CCDC15: variants seen among roughly 807,000 people sequenced by gnomAD.
CCDC15 encodes coiled-coil domain-containing protein 15.
Under a neutral mutation model 114.5 loss-of-function variants are expected in CCDC15, and 105 were observed. The ratio of observed to expected loss-of-function variants is 0.92; its 90% CI spans 0.78 to 1.08. The LOEUF (loss-of-function observed/expected upper bound fraction) is 1.08. Ranked by LOEUF, CCDC15 falls within the 50% of genes least tolerant of loss-of-function variation. CCDC15 has a pLI of 0.00. For missense variants in CCDC15, 1,105 were observed against 1,093.6 expected (o/e 1.01, Z -0.15); for synonymous variants, 334 against 377.8 (o/e 0.88, Z 1.34).
intron 11 of CCDC15, among the ~76,000 whole-genome samples, chr11:124,994,386 G>C (rs1948326740): frequency 6.6e-6 from 1 of 152,174 alleles, no homozygotes; most frequent in Non-Finnish European, 1.5e-5. Flanking sequence ...ATTTCATACA[G>C]CGCAAAATGT....
At chr11:125,032,586 C>T (rs1298599058) in intron 13 of CCDC15, among the ~76,000 whole-genome samples, 1 of 152,176 alleles carries the variant, frequency 6.6e-6, no homozygotes, top group African/African-American at 2.4e-5. Flanking sequence ...CACTAATTGC[C>T]GCAATTCCTC....
At chr11:125,019,861 T>C (rs913206562) in intron 13 of CCDC15, among the ~76,000 whole-genome samples, 3 of 151,978 alleles carry the variant, frequency 2.0e-5, no homozygotes, top group African/African-American at 7.2e-5. Context: ...TGATACATTA[T>C]ATTTGTACAT....
At position 125,040,914 on chromosome 11, in the gene CCDC15, G is replaced by C. The variant is rs1486034537; in HGVS notation, c.*203G>C. The C allele has an allele frequency of 1.8e-6, 1 of 569,810 alleles. No individual in the cohort carries two copies. The highest frequency in any genetic ancestry group is 3.1e-6 in the Non-Finnish European group (1 of 325,458). 35.3% of individuals were successfully genotyped at this position (569,810 alleles called of 1,614,324 possible). On this transcript the variant is annotated 3_prime_UTR_variant, in exon 16 of 16. Transcript: ENST00000344762. ...CTGACTTACTTCTCTCTTCTGTCTT[G>C]TGAACCATACGGAGCCTATTATTTT...
intron 13 of CCDC15, among the ~76,000 whole-genome samples, chr11:125,009,829 T>A (rs182078868): frequency 6.6e-6 from 1 of 152,244 alleles, no homozygotes; most frequent in Non-Finnish European, 1.5e-5. Flanking sequence ...GTAAAGGACA[T>A]GATTTCATTC....
intron 11 of CCDC15, among the ~76,000 whole-genome samples, chr11:125,002,350 G>A (rs1948494397): frequency 1.3e-5 from 2 of 152,088 alleles, no homozygotes; most frequent in East Asian, 1.9e-4. Context: ...TCTGTGGGTT[G>A]CCTTTCACTT....
intron 11 of CCDC15, among the ~76,000 whole-genome samples, chr11:125,000,914 A>G (rs895352054): frequency 9.9e-5 from 15 of 152,206 alleles, no homozygotes; most frequent in Non-Finnish European, 1.8e-4. Context: ...TAATCAATAC[A>G]TAACCTTATT....
rs1250770961 is a variant in CCDC15 at position 124,969,349 on chromosome 11, AT to A, written c.517-5743del. 3.9e-5 allele frequency among the ~76,000 whole-genome samples: 6 copies of A among 152,238 alleles called. No individual in the cohort carries two copies. The East Asian group carries it at 1.2e-3, about 29-fold the overall frequency. Reference sequence around the variant, plus strand: ...GTGTCTTATAATATATAGAACCAGTATTTTGTTTTCATTAGGACTGATATTT... The same window carrying A: ...GTGTCTTATAATATATAGAACCAGTATTTGTTTTCATTAGGACTGATATTT... On this transcript the variant is annotated intron_variant, in intron 4 of 15. Coordinates refer to ENST00000344762, the MANE Select transcript of CCDC15 (RefSeq NM_025004.3).
At chr11:124,957,946 A>C (rs992016130) in intron 2 of CCDC15, among the ~76,000 whole-genome samples, 4 of 152,210 alleles carry the variant, frequency 2.6e-5, no homozygotes, top group Non-Finnish European at 5.9e-5. Flanking sequence ...AGAGAAAAGC[A>C]GTGTAGAGAG....
chr11:125,015,667 G>A (rs1442224433), intron 13 of CCDC15, among the ~76,000 whole-genome samples: 1 of 152,064 alleles, frequency 6.6e-6, no homozygotes, highest in African/African-American at 2.4e-5. Flanking sequence ...ATGTATAAGG[G>A]AAAAAATAAC....
chr11:124,977,381 T>C (rs1431634202), intron 5 of CCDC15, 97 bp from the exon 6 acceptor site: 6 of 1,191,628 alleles, frequency 5.0e-6, no homozygotes, highest in Non-Finnish European at 5.6e-6. Context: ...CAAAACCTAC[T>C]AAGATAATTT....
At chr11:124,954,990 G>C in intron 2 of CCDC15, 81 bp downstream of exon 2, 1 of 1,253,940 alleles carries the variant, frequency 8.0e-7, no homozygotes, top group Non-Finnish European at 1.1e-6. Context: ...GGTGCTTAAA[G>C]ATGAACAGTC....
At chr11:125,001,744 A>G (rs1348654258) in intron 11 of CCDC15, among the ~76,000 whole-genome samples, 1 of 152,180 alleles carries the variant, frequency 6.6e-6, no homozygotes, top group Non-Finnish European at 1.5e-5. Flanking sequence ...GTTCCTATTC[A>G]TTGCTGAAAA....
At chr11:124,960,971 A>G (rs564646169) in intron 4 of CCDC15, among the ~76,000 whole-genome samples, 1 of 152,388 alleles carries the variant, frequency 6.6e-6, no homozygotes, top group South Asian at 2.1e-4. Context: ...TGCTATTAGT[A>G]TAAATAGGAA....
At chr11:124,960,665 A>G (rs956806175) in intron 4 of CCDC15, among the ~76,000 whole-genome samples, 1 of 152,170 alleles carries the variant, frequency 6.6e-6, no homozygotes, top group Non-Finnish European at 1.5e-5. Flanking sequence ...GTTTTTGGAA[A>G]AATGTAATTT....
At chr11:124,978,311 T>C (rs1405357494) in intron 6 of CCDC15, among the ~76,000 whole-genome samples, 1 of 152,208 alleles carries the variant, frequency 6.6e-6, no homozygotes, top group African/African-American at 2.4e-5. Flanking sequence ...TTAATAGTGC[T>C]GTGATGAAAA....
In CCDC15 at chr11:124,959,953, A is replaced by C; in HGVS notation, c.466A>C (p.Ile156Leu). Residue 156 changes from isoleucine (I) to leucine (L), a missense_variant, in exon 4 of 16, where the codon ATA becomes CTA. Coordinates refer to ENST00000344762, the MANE Select transcript of CCDC15 (RefSeq NM_025004.3). ...TCCTTCCCTGATGCCTGGGGATGGAATAGAGGATGAAGAGAATCAGAACGA... is the reference window on the plus strand; with the variant it reads ...TCCTTCCCTGATGCCTGGGGATGGACTAGAGGATGAAGAGAATCAGAACGA... Reference protein sequence around the residue: ...LPPSLMPGDGIEDEENQNELF... With the variant: ...LPPSLMPGDGLEDEENQNELF... 6.3e-7 allele frequency: 1 copy of C among 1,583,448 alleles called. No homozygotes were observed. Among genetic ancestry groups the C allele is most frequent in the South Asian group, 1.2e-5 (1 of 86,724 alleles).
intron 11 of CCDC15, among the ~76,000 whole-genome samples, chr11:124,994,128 G>T (rs901409502): frequency 4.6e-5 from 7 of 152,126 alleles, no homozygotes; most frequent in African/African-American, 1.2e-4. Context: ...ACACAATTTG[G>T]TAAGTGTTTT....
chr11:124,980,249 G>A (rs761105500), intron 6 of CCDC15, among the ~76,000 whole-genome samples: 8 of 152,066 alleles, frequency 5.3e-5, no homozygotes, highest in Non-Finnish European at 1.0e-4. Context: ...TTGTGTCTCT[G>A]CCAGGTTTTG....
chr11:124,956,498 C>G (rs1384423521), intron 2 of CCDC15, among the ~76,000 whole-genome samples: 2 of 151,984 alleles, frequency 1.3e-5, no homozygotes, highest in Non-Finnish European at 2.9e-5. Flanking sequence ...CCCCACAAGA[C>G]TTGGTAAGAT....
Sources: allele counts gnomAD v4.1 joint callset (sites outside exome capture counted in the v4.1 genomes callset), GRCh38; gene constraint gnomAD v4.1.1; transcripts MANE v1.5; gene names NCBI Gene and HGNC (gene_info 2026-07-23, HGNC 2026-07-21).